SBF2: variants seen among roughly 807,000 people sequenced by gnomAD.
The protein encoded by SBF2 is SET binding factor 2.
A neutral mutation model predicts 225.2 loss-of-function variants in SBF2; 112 were observed. The ratio of observed to expected loss-of-function variants is 0.50; its 90% CI spans 0.43 to 0.58. The LOEUF (loss-of-function observed/expected upper bound fraction) is 0.58. Ranked by LOEUF, SBF2 falls within the 20% of genes least tolerant of loss-of-function variation. The pLI, the probability that SBF2 is intolerant of heterozygous loss-of-function variation, is 0.00. For synonymous variants in SBF2, 763 were observed against 773.3 expected, an observed-to-expected ratio of 0.99 and a Z score of 0.22; for missense variants, 1,996 against 2,206.2, an observed-to-expected ratio of 0.90 and a Z score of 1.91.
chr11:10,132,725 G>A lies in SBF2; in HGVS notation c.141+61177C>T, dbSNP rs532893703. ...GCTTCCACAGTGTGGAAGGGGACCC[G>A]AGCGGGTTGCCAATGCTGGCTCGGG... On this transcript the variant is annotated intron_variant, in intron 2 of 39. Transcript: ENST00000256190. 1.3e-4 allele frequency among the ~76,000 whole-genome samples: 19 copies of A among 148,722 alleles called. 3 individuals are homozygous for A. In the East Asian group the frequency reaches 3.3e-3, roughly 26 times the overall value.
At chr11:10,120,017 T>G (rs1357640887) in intron 2 of SBF2, among the ~76,000 whole-genome samples, 1 of 152,230 alleles carries the variant, frequency 6.6e-6, no homozygotes, top group Non-Finnish European at 1.5e-5. Flanking sequence ...ATGTGTACAC[T>G]GTTGTGCAAC....
intron 16 of SBF2, among the ~76,000 whole-genome samples, chr11:9,932,586 G>A (rs1462212427): frequency 2.6e-5 from 4 of 152,148 alleles, no homozygotes; most frequent in Non-Finnish European, 1.5e-5. Context: ...AATGCTGAGA[G>A]ATTTTGTCAC....
intron 27 of SBF2, among the ~76,000 whole-genome samples, chr11:9,830,419 A>G (rs1855316863): frequency 6.6e-6 from 1 of 152,186 alleles, no homozygotes; most frequent in African/African-American, 2.4e-5. Flanking sequence ...GATCACATCA[A>G]TTGTAAGATG....
intron 6 of SBF2, among the ~76,000 whole-genome samples, chr11:10,003,330 T>C (rs535401613): frequency 3.3e-5 from 5 of 152,190 alleles, no homozygotes; most frequent in Non-Finnish European, 7.4e-5. Flanking sequence ...TATATAGAGA[T>C]AAATGTGGTA....
chr11:10,224,147 A>G (rs1160928403), intron 1 of SBF2, among the ~76,000 whole-genome samples: 2 of 151,982 alleles, frequency 1.3e-5, no homozygotes, highest in African/African-American at 4.8e-5. Flanking sequence ...TAATTTTCCC[A>G]ATATTTCTAG....
intron 6 of SBF2, among the ~76,000 whole-genome samples, chr11:10,006,403 C>G (rs1948191559): frequency 6.6e-6 from 1 of 152,192 alleles, no homozygotes; most frequent in South Asian, 2.1e-4. Context: ...CTCCTTATGA[C>G]TTACCATATG....
chr11:10,084,365 A>G (rs2134881309), intron 2 of SBF2, among the ~76,000 whole-genome samples: 1 of 152,336 alleles, frequency 6.6e-6, no homozygotes, highest in Middle Eastern at 3.4e-3. Context: ...AATACAAGAT[A>G]AAACCACAAT....
chr11:10,296,663 T>A (rs1005713160), upstream of SBF2, among the ~76,000 whole-genome samples: 1 of 152,152 alleles, frequency 6.6e-6, no homozygotes, highest in African/African-American at 2.4e-5. Flanking sequence ...GTTTCCACCT[T>A]TTGGCATTGT....
chr11:9,987,581 T>C (rs990678204), intron 13 of SBF2, among the ~76,000 whole-genome samples: 1 of 152,120 alleles, frequency 6.6e-6, no homozygotes, highest in Admixed American at 6.6e-5. Context: ...TTTCCGGATC[T>C]GAGATTAATG....
intron 6 of SBF2, among the ~76,000 whole-genome samples, chr11:10,004,333 A>G (rs1948095035): frequency 6.6e-6 from 1 of 152,128 alleles, no homozygotes; most frequent in African/African-American, 2.4e-5. Flanking sequence ...AAACCCACTA[A>G]GGTTTTGGTA....
chr11:9,897,263 G>A (rs555041954), intron 16 of SBF2, among the ~76,000 whole-genome samples: 1 of 151,946 alleles, frequency 6.6e-6, no homozygotes, highest in South Asian at 2.1e-4. Context: ...TTGAGACAGA[G>A]TCTTGCTCTG....
intron 17 of SBF2, among the ~76,000 whole-genome samples, chr11:9,868,135 G>A (rs1030128565): frequency 2.0e-5 from 3 of 151,892 alleles, no homozygotes; most frequent in African/African-American, 4.8e-5. Flanking sequence ...GTATACTTAT[G>A]TAACAATAAA....
chr11:10,113,356 T>C (rs1358875104), intron 2 of SBF2, among the ~76,000 whole-genome samples: 2 of 152,146 alleles, frequency 1.3e-5, no homozygotes, highest in Admixed American at 1.3e-4. Context: ...ATCTTAAGTA[T>C]TTAAACCTGA....
At chr11:10,229,129 G>A (rs12418489) in intron 1 of SBF2, among the ~76,000 whole-genome samples, 32,099 of 151,956 alleles carry the variant, frequency 0.21, 4,103 homozygotes, top group Non-Finnish European at 0.3. Flanking sequence ...ATTCTCTGAT[G>A]GTAGTTTGTA....
rs937703873 is a variant in SBF2 at position 10,097,977 on chromosome 11, C to A, written c.142-54996G>T. ...AGGAGAAAAGGGTGGGGACTCAAAA[C>A]AACTAGGGCACAGAACGCAACAAAG... On this transcript the variant is annotated intron_variant, in intron 2 of 39. Coordinates refer to ENST00000256190, the MANE Select transcript of SBF2 (RefSeq NM_030962.4). 2.6e-5 allele frequency among the ~76,000 whole-genome samples: 4 copies of A among 152,042 alleles called. No individual in the cohort carries two copies. In the South Asian group the frequency reaches 8.3e-4, roughly 32 times the overall value.
At chr11:9,985,306 T>A (rs1357333858) in intron 13 of SBF2, among the ~76,000 whole-genome samples, 3 of 152,176 alleles carry the variant, frequency 2.0e-5, no homozygotes, top group East Asian at 3.9e-4. Context: ...GGGTAGCTAT[T>A]CTTTTTAGTT....
intron 2 of SBF2, among the ~76,000 whole-genome samples, chr11:10,146,171 G>A (rs533732267): frequency 8.5e-5 from 13 of 152,246 alleles, no homozygotes; most frequent in Non-Finnish European, 1.3e-4. Context: ...TAGATTTAAT[G>A]CTATTCCTAT....
chr11:10,033,614 G>GA (rs1949337615), intron 3 of SBF2, among the ~76,000 whole-genome samples: 1 of 151,732 alleles, frequency 6.6e-6, no homozygotes, highest in Non-Finnish European at 1.5e-5. Context: ...TAAGTTTAGA[G>GA]AAAAAATTCT....
intron 2 of SBF2, among the ~76,000 whole-genome samples, chr11:10,147,729 AAT>A (rs1954957553): frequency 6.6e-6 from 1 of 152,176 alleles, no homozygotes; most frequent in African/African-American, 2.4e-5. Context: ...AAAAGTTTAA[AAT>A]ATATATATTT....
Sources: allele counts gnomAD v4.1 joint callset (sites outside exome capture counted in the v4.1 genomes callset), GRCh38; gene constraint gnomAD v4.1.1; transcripts MANE v1.5; gene names NCBI Gene and HGNC (gene_info 2026-07-23, HGNC 2026-07-21).